PURG: variants seen among roughly 807,000 people sequenced by gnomAD.
PURG encodes purine rich element binding protein G, also known as purine-rich element-binding protein gamma.
In PURG, 3 loss-of-function variants were observed where a neutral mutation model predicts 24.3. The observed-to-expected ratio is 0.12, with a 90% CI of 0.06 to 0.32. PURG has a LOEUF of 0.32. PURG is among the 10% of genes least tolerant of loss of function. PURG has a pLI of 1.00. For synonymous variants in PURG, 180 were observed against 173.1 expected, an observed-to-expected ratio of 1.04 and a Z score of -0.31; for missense variants, 371 against 439.1, an observed-to-expected ratio of 0.84 and a Z score of 1.39.
chr8:31,000,031 A>C (rs1810507775), intron 1 of PURG, among the ~76,000 whole-genome samples: 1 of 152,110 alleles, frequency 6.6e-6, no homozygotes, highest in Admixed American at 6.6e-5. Context: ...TTGTCTACAT[A>C]TACATCTTGT....
rs73579521 is a variant in PURG at position 31,014,315 on chromosome 8, G to A, written c.864+17604C>T. On this transcript the variant is annotated intron_variant, in intron 1 of 1. Transcript: ENST00000339382. ...AAGACAGATGTTTTTCCCTATGGGA[G>A]GATCATAAGCAGCATACTCATAATT... Among the ~76,000 whole-genome samples the A allele has an allele frequency of 4.9e-3, 744 of 152,220 alleles. 9 individuals are homozygous for A. The highest frequency in any genetic ancestry group is 0.017 in the African/African-American group (702 of 41,534).
At chr8:30,999,175 C>T (rs1469956169) in intron 1 of PURG, among the ~76,000 whole-genome samples, 2 of 151,834 alleles carry the variant, frequency 1.3e-5, no homozygotes, top group South Asian at 2.1e-4. Flanking sequence ...GTTTTAAGCA[C>T]TTCTGTGTAC....
intron 1 of PURG, among the ~76,000 whole-genome samples, chr8:30,997,547 G>A (rs1190898844): frequency 1.3e-5 from 2 of 151,436 alleles, no homozygotes; most frequent in East Asian, 1.9e-4. Flanking sequence ...GAAACTGCAC[G>A]TACATTTAGT....
At chr8:31,002,572 C>T (rs1046733090) in intron 1 of PURG, among the ~76,000 whole-genome samples, 7 of 152,164 alleles carry the variant, frequency 4.6e-5, no homozygotes, top group Non-Finnish European at 1.0e-4. Flanking sequence ...CAACCTCTGT[C>T]TCCTGGGTTC....
intron 1 of PURG, among the ~76,000 whole-genome samples, chr8:31,023,160 A>AGAGGGAGG (rs1811028273): frequency 6.6e-6 from 1 of 152,224 alleles, no homozygotes; most frequent in Non-Finnish European, 1.5e-5. Flanking sequence ...GGGAGGAGAA[A>AGAGGGAGG]AGAGAGAAAA....
At chr8:31,022,512 A>AT (rs767809490) in intron 1 of PURG, among the ~76,000 whole-genome samples, 2 of 152,186 alleles carry the variant, frequency 1.3e-5, no homozygotes, top group African/African-American at 2.4e-5. Flanking sequence ...CAATTTCTAG[A>AT]TTTTCAAAGA....
At chr8:31,004,413 T>C (rs1162683211) in intron 1 of PURG, among the ~76,000 whole-genome samples, 1 of 152,198 alleles carries the variant, frequency 6.6e-6, no homozygotes, top group Admixed American at 6.5e-5. Flanking sequence ...AAAATATCCT[T>C]GGCTGGGCAC....
chr8:31,009,939 A>G (rs940193250), intron 1 of PURG, among the ~76,000 whole-genome samples: 3 of 152,118 alleles, frequency 2.0e-5, no homozygotes, highest in African/African-American at 7.2e-5. Context: ...TCCACAAAAA[A>G]TAGGAAAAAT....
At chr8:31,003,083 G>A (rs1010942218) in intron 1 of PURG, among the ~76,000 whole-genome samples, 1 of 152,118 alleles carries the variant, frequency 6.6e-6, no homozygotes, top group African/African-American at 2.4e-5. Context: ...TAATTCAAAT[G>A]TAACTGCTTT....
At chr8:31,011,652 T>C (rs925717973) in intron 1 of PURG, among the ~76,000 whole-genome samples, 1 of 152,080 alleles carries the variant, frequency 6.6e-6, no homozygotes, top group Non-Finnish European at 1.5e-5. Flanking sequence ...CAAATAAATA[T>C]CTGTTGAATG....
intron 1 of PURG, among the ~76,000 whole-genome samples, chr8:31,024,628 T>C (rs1811056651): frequency 6.6e-6 from 1 of 152,114 alleles, no homozygotes; most frequent in African/African-American, 2.4e-5. Flanking sequence ...AACAACCTCA[T>C]TGAATCCACA....
chr8:31,026,689 G>A (rs1427462861), downstream of PURG, among the ~76,000 whole-genome samples: 1 of 147,718 alleles, frequency 6.8e-6, no homozygotes, highest in Non-Finnish European at 1.5e-5. Context: ...TATATGCAGA[G>A]TAACTCTAGA....
chr8:31,016,624 C>CCA (rs1810877407), intron 1 of PURG, among the ~76,000 whole-genome samples: 1 of 140,202 alleles, frequency 7.1e-6, no homozygotes, highest in South Asian at 2.3e-4. Flanking sequence ...GAACGCAAGT[C>CCA]CACAGTCTAA....
At chr8:31,012,429 C>T (rs1483209930) in intron 1 of PURG, among the ~76,000 whole-genome samples, 1 of 152,010 alleles carries the variant, frequency 6.6e-6, no homozygotes, top group Non-Finnish European at 1.5e-5. Flanking sequence ...AAAATGGGAA[C>T]TGGGCAAATT....
chr8:31,011,520 GTAGA>G (rs1174349215), intron 1 of PURG, among the ~76,000 whole-genome samples: 1 of 152,118 alleles, frequency 6.6e-6, no homozygotes, highest in East Asian at 1.9e-4. Context: ...ATGACAGTAT[GTAGA>G]TAATCATATT....
chr8:31,022,826 A>G, intron 1 of PURG, among the ~76,000 whole-genome samples: 1 of 152,266 alleles, frequency 6.6e-6, no homozygotes, highest in Middle Eastern at 3.2e-3. Flanking sequence ...GAACCAAGAA[A>G]TAAAATACAA....
chr8:31,017,991 C>G (rs1246759948), intron 1 of PURG, among the ~76,000 whole-genome samples: 1 of 152,098 alleles, frequency 6.6e-6, no homozygotes, highest in African/African-American at 2.4e-5. Context: ...TGAAATAGCA[C>G]TATAAATACT....
chr8:31,005,699 G>A (rs1810630257), intron 1 of PURG, among the ~76,000 whole-genome samples: 1 of 151,246 alleles, frequency 6.6e-6, no homozygotes, highest in Non-Finnish European at 1.5e-5. Flanking sequence ...TAATAAAAAT[G>A]TTAAAATGCA....
At chr8:31,012,691 A>T (rs1810784927) in intron 1 of PURG, among the ~76,000 whole-genome samples, 1 of 152,242 alleles carries the variant, frequency 6.6e-6, no homozygotes, top group Admixed American at 6.5e-5. Context: ...TTTATGGATA[A>T]GCAAGCTGGG....
Sources: allele counts gnomAD v4.1 joint callset (sites outside exome capture counted in the v4.1 genomes callset), GRCh38; gene constraint gnomAD v4.1.1; transcripts MANE v1.5; gene names NCBI Gene and HGNC (gene_info 2026-07-23, HGNC 2026-07-21).